CTNNA2: variants seen among roughly 807,000 people sequenced by gnomAD.
The protein encoded by CTNNA2 is catenin alpha-2.
In CTNNA2, 42 loss-of-function variants were observed where a neutral mutation model predicts 101.0. That is an observed-to-expected ratio of 0.42 (90% confidence interval 0.32 to 0.54). The LOEUF (loss-of-function observed/expected upper bound fraction) is 0.54, where lower values mean the gene tolerates loss of function less well. CTNNA2 is among the 20% of genes least tolerant of loss of function. CTNNA2 has a pLI of 0.14. For missense variants in CTNNA2, 871 were observed against 1,223.1 expected (o/e 0.71, Z 4.29); for synonymous variants, 450 against 456.4 (o/e 0.99, Z 0.18).
In CTNNA2 at chr2:80,610,536, A is replaced by G. The variant is rs191081126; in HGVS notation, c.2430+2218A>G. Among the ~76,000 whole-genome samples, 278 of 151,782 alleles carry G rather than the reference A, an allele frequency of 1.8e-3. 2 individuals carry two copies. Among genetic ancestry groups the G allele is most frequent in the African/African-American group, 6.3e-3 (261 of 41,470 alleles). ...TTCTTTTTTCCCTGTGTTTATACAC[A>G]TGGGATTCAAAGCCACGGCTTCTCT... On this transcript the variant is annotated intron_variant, in intron 17 of 18. Coordinates refer to ENST00000402739, the MANE Select transcript of CTNNA2 (RefSeq NM_001282597.3).
chr2:79,784,510 G>C (rs1319957847), intron 3 of CTNNA2, among the ~76,000 whole-genome samples: 1 of 150,136 alleles, frequency 6.7e-6, no homozygotes, highest in Non-Finnish European at 1.5e-5. Flanking sequence ...ATGTCTAGGA[G>C]ACATATCAAA....
chr2:79,483,133 CT>C (rs1671125759), intron 4 of CTNNA2, among the ~76,000 whole-genome samples: 1 of 152,178 alleles, frequency 6.6e-6, no homozygotes, highest in South Asian at 2.1e-4. Context: ...ATGTGCCTTC[CT>C]GGCAGAATCC....
intron 2 of CTNNA2, among the ~76,000 whole-genome samples, chr2:79,696,563 C>T (rs1684664699): frequency 1.3e-5 from 2 of 151,992 alleles, no homozygotes; most frequent in Admixed American, 6.6e-5. Context: ...CATGTGTGTG[C>T]CCATCCTTGA....
chr2:80,103,811 T>C (rs921721642), intron 7 of CTNNA2, among the ~76,000 whole-genome samples: 1 of 152,232 alleles, frequency 6.6e-6, no homozygotes, highest in Non-Finnish European at 1.5e-5. Context: ...CTTGGCTCAC[T>C]GCAATCTCTG....
rs573210628 is a variant in CTNNA2, at chr2:79,614,827, T to C, written c.-5-36725T>C. Among the ~76,000 whole-genome samples, 10 of 152,334 alleles carry C rather than the reference T, an allele frequency of 6.6e-5. 1 individual carries two copies. Among genetic ancestry groups the C allele is most frequent in the African/African-American group, 2.4e-4 (10 of 41,574 alleles). The stretch of plus-strand genomic sequence containing the variant: ...TGTGTGCATTTGATTATTACCAGTT[T>C]AGAAAAATATCTTTTAGCTTTACAA... On this transcript the variant is annotated intron_variant, in intron 1 of 18. Coordinates refer to ENST00000402739, the MANE Select transcript of CTNNA2 (RefSeq NM_001282597.3).
chr2:80,188,931 G>A (rs1706295720), intron 7 of CTNNA2, among the ~76,000 whole-genome samples: 1 of 145,802 alleles, frequency 6.9e-6, no homozygotes, highest in Admixed American at 6.9e-5. Flanking sequence ...ACTGTGTCCT[G>A]TGCAGGTGGT....
intron 3 of CTNNA2, among the ~76,000 whole-genome samples, chr2:79,323,369 G>A (rs1015971660): frequency 5.3e-5 from 8 of 152,088 alleles, no homozygotes; most frequent in African/African-American, 1.9e-4. Flanking sequence ...TATACATGAG[G>A]AAATCCAAGT....
chr2:79,922,493 T>C (rs1686733307), intron 7 of CTNNA2, among the ~76,000 whole-genome samples: 1 of 152,132 alleles, frequency 6.6e-6, no homozygotes, highest in Non-Finnish European at 1.5e-5. Context: ...AGATGCTGAT[T>C]CTCTGACCTT....
chr2:79,323,900 T>C (rs1435268099), intron 3 of CTNNA2, among the ~76,000 whole-genome samples: 3 of 152,196 alleles, frequency 2.0e-5, no homozygotes, highest in Admixed American at 2.0e-4. Flanking sequence ...ATGGGAATTA[T>C]CTTGTTAACA....
At chr2:80,279,674 A>G (rs1674210992) in intron 7 of CTNNA2, among the ~76,000 whole-genome samples, 1 of 152,138 alleles carries the variant, frequency 6.6e-6, no homozygotes, top group Non-Finnish European at 1.5e-5. Context: ...AATAGAGTCA[A>G]TTTCTGTGGC....
At chr2:80,343,548 C>T (rs79336757) in intron 7 of CTNNA2, among the ~76,000 whole-genome samples, 58 of 152,072 alleles carry the variant, frequency 3.8e-4, no homozygotes, top group African/African-American at 1.3e-3. Flanking sequence ...CTGTTTTTAT[C>T]GACTGCCAAG....
At chr2:79,933,131 T>G (rs987471686) in intron 7 of CTNNA2, among the ~76,000 whole-genome samples, 1 of 152,206 alleles carries the variant, frequency 6.6e-6, no homozygotes, top group Non-Finnish European at 1.5e-5. Context: ...GTTTTCTGTG[T>G]TAACATCACC....
At chr2:80,287,585 C>A (rs1219389279) in intron 7 of CTNNA2, among the ~76,000 whole-genome samples, 1 of 152,128 alleles carries the variant, frequency 6.6e-6, no homozygotes, top group Non-Finnish European at 1.5e-5. Context: ...ACTATGTGCC[C>A]AGCATGTGCA....
Position 80,588,844 on chromosome 2 carries a change from C to G in CTNNA2, c.2008-460C>G, listed in dbSNP as rs752920079. Among the ~76,000 whole-genome samples, 14 of 152,160 alleles carry G rather than the reference C, an allele frequency of 9.2e-5. 1 individual carries two copies. The highest frequency in any genetic ancestry group is 2.1e-4 in the Non-Finnish European group (14 of 68,032). ...TAGAAAGTAGCCCCATCCTCCCCCA[C>G]TTGGATGCTCAGATAGTGTTTAAAA... On this transcript the variant is annotated intron_variant, in intron 14 of 18. Transcript: ENST00000402739.
At chr2:80,103,225 C>T (rs1309469743) in intron 7 of CTNNA2, among the ~76,000 whole-genome samples, 1 of 152,144 alleles carries the variant, frequency 6.6e-6, no homozygotes, top group Non-Finnish European at 1.5e-5. Context: ...TGAAAAGTCC[C>T]AGATTGGGGT....
chr2:79,979,803 T>A (rs1691128471), intron 7 of CTNNA2, among the ~76,000 whole-genome samples: 1 of 152,140 alleles, frequency 6.6e-6, no homozygotes, highest in Non-Finnish European at 1.5e-5. Flanking sequence ...AGACCGCATA[T>A]TTAAATATCA....
chr2:80,009,842 C>T (rs927606094), intron 7 of CTNNA2, among the ~76,000 whole-genome samples: 13 of 151,802 alleles, frequency 8.6e-5, no homozygotes, highest in Non-Finnish European at 1.6e-4. Flanking sequence ...ATGATCTCTA[C>T]GTTGGATAGT....
At chr2:79,718,886 A>G (rs1203638015) in intron 2 of CTNNA2, among the ~76,000 whole-genome samples, 1 of 150,990 alleles carries the variant, frequency 6.6e-6, no homozygotes, top group African/African-American at 2.4e-5. Context: ...AAGGACAGTT[A>G]AATACCTGTG....
intron 7 of CTNNA2, among the ~76,000 whole-genome samples, chr2:80,240,929 C>G (rs1413620432): frequency 1.3e-5 from 2 of 152,092 alleles, no homozygotes; most frequent in Non-Finnish European, 2.9e-5. Context: ...AGTTAGAACT[C>G]TGAGGCTGGG....
Sources: gnomAD v4.1 joint callset for allele counts (sites outside exome capture counted in the v4.1 genomes callset) on GRCh38, gnomAD v4.1.1 for gene constraint, MANE v1.5 for transcripts, NCBI Gene and HGNC (gene_info 2026-07-23, HGNC 2026-07-21) for gene names.